Variants in DCK observed in about 807,000 individuals in gnomAD.
The protein encoded by DCK is deoxyadenosine kinase.
DCK carries 23 observed loss-of-function variants against 38.3 expected under a neutral mutation model. The observed-to-expected ratio is 0.60, with a 90% CI of 0.43 to 0.85. The LOEUF is 0.85. DCK is among the 40% of genes least tolerant of loss of function. The pLI, the probability that DCK is intolerant of heterozygous loss-of-function variation, is 0.00. For synonymous variants in DCK, 108 were observed against 100.6 expected (o/e 1.07, Z -0.44); for missense variants, 259 against 304.4 (o/e 0.85, Z 1.11).
chr4:70,993,792 G>A lies in DCK; in HGVS notation c.-44G>A, dbSNP rs1188881739. On this transcript the variant is annotated 5_prime_UTR_variant, in exon 1 of 7. Coordinates refer to ENST00000286648, the MANE Select transcript of DCK (RefSeq NM_000788.3). ...TGCGCGCACCCGTGGCCGCCTCCCA[G>A]CCCTCTTTGCCGGACGAGCTCTGGG... 2 of 1,452,532 alleles carry A rather than the reference G, an allele frequency of 1.4e-6. No individual in the cohort carries two copies. Among genetic ancestry groups the A allele is most frequent in the Admixed American group, 1.8e-5 (1 of 56,720 alleles). The allele number at this position is 1,452,532 out of a possible 1,614,324, so 90.0% of individuals were successfully genotyped here.
intron 1 of DCK, among the ~76,000 whole-genome samples, chr4:70,997,503 C>G (rs539383393): frequency 6.6e-6 from 1 of 152,210 alleles, no homozygotes; most frequent in African/African-American, 2.4e-5. Context: ...TGTTTTTTCT[C>G]TGTGTGTAAT....
chr4:71,025,682 C>T (rs995792461), intron 4 of DCK, 134 bp from the exon 5 acceptor site: 50 of 1,184,278 alleles, frequency 4.2e-5, no homozygotes, highest in Non-Finnish European at 5.1e-5. Flanking sequence ...TGAATTATTT[C>T]AGCTTTTAAG....
intron 2 of DCK, among the ~76,000 whole-genome samples, chr4:71,018,262 G>A (rs922312462): frequency 2.6e-5 from 4 of 151,600 alleles, no homozygotes; most frequent in Admixed American, 6.6e-5. Context: ...GAGTAGCTGA[G>A]ACTACAGGCG....
intron 2 of DCK, among the ~76,000 whole-genome samples, chr4:71,011,505 C>T (rs575854383): frequency 9.2e-5 from 14 of 152,154 alleles, no homozygotes; most frequent in South Asian, 8.3e-4. Context: ...TACAGGCCCA[C>T]ACCAACATGC....
rs187119010 is a variant in DCK at position 71,014,405 on chromosome 4, T to C, written c.208-7962T>C. ...GATATCCAGGAATTGAGCTCAGCTC[T>C]GTACCAAGCGGACCTAAAAGACATC... On this transcript the variant is annotated intron_variant, in intron 2 of 6. Coordinates refer to ENST00000286648, the MANE Select transcript of DCK (RefSeq NM_000788.3). 2.0e-3 allele frequency among the ~76,000 whole-genome samples: 304 copies of C among 152,360 alleles called. 3 individuals are homozygous for C. The highest frequency in any genetic ancestry group is 7.0e-3 in the African/African-American group (293 of 41,578).
intron 2 of DCK, among the ~76,000 whole-genome samples, chr4:71,009,257 C>T (rs537752507): frequency 2.6e-5 from 4 of 152,348 alleles, no homozygotes; most frequent in African/African-American, 9.6e-5. Flanking sequence ...TAAAAGTCAT[C>T]ACCCTAGTGA....
At chr4:71,028,716 C>A in intron 6 of DCK, 1 of 417,394 alleles carries the variant, frequency 2.4e-6, no homozygotes. Flanking sequence ...CCTCAGCCTC[C>A]TAAGTAGGTG....
chr4:71,025,865 T>C lies in DCK; in HGVS notation c.599T>C (p.Ile200Thr), dbSNP rs763685843. 1.9e-6 allele frequency: 3 copies of C among 1,611,600 alleles called. No individual in the cohort carries two copies. The highest frequency in any genetic ancestry group is 2.2e-5 in the South Asian group (2 of 90,444). Residue 200 changes from isoleucine (I) to threonine (T), a missense_variant, in exon 5 of 7, where the codon ATT becomes ACT. Coordinates refer to ENST00000286648, the MANE Select transcript of DCK (RefSeq NM_000788.3). ...CGGGGAAGAAATGAAGAGCAAGGCA[T>C]TCCTCTTGAATATTTAGAGAAGCTT... ...YLRGRNEEQGIPLEYLEKLHY... is the reference protein window; with the variant it reads ...YLRGRNEEQGTPLEYLEKLHY...
intron 6 of DCK, chr4:71,028,557 C>T (rs1236321765): frequency 5.0e-6 from 2 of 398,958 alleles, no homozygotes; most frequent in South Asian, 3.8e-5. Flanking sequence ...CCTAAAATGA[C>T]CTTTTAGGTC....
intron 2 of DCK, among the ~76,000 whole-genome samples, chr4:71,012,414 A>G (rs1463684874): frequency 6.6e-6 from 1 of 152,268 alleles, no homozygotes; most frequent in African/African-American, 2.4e-5. Context: ...CTTTGAAGAG[A>G]GTAGTGGTTC....
At chr4:71,008,467 GT>G (rs1325807995) in intron 2 of DCK, among the ~76,000 whole-genome samples, 1 of 152,184 alleles carries the variant, frequency 6.6e-6, no homozygotes, top group East Asian at 1.9e-4. Flanking sequence ...TGAGCCATCT[GT>G]CTTCTCTCAC....
chr4:71,021,320 C>T (rs1740420335), intron 2 of DCK, among the ~76,000 whole-genome samples: 1 of 152,028 alleles, frequency 6.6e-6, no homozygotes. Flanking sequence ...CATGATCCAC[C>T]CGCCTCGGCC....
intron 1 of DCK, among the ~76,000 whole-genome samples, chr4:70,996,077 A>G (rs1739653753): frequency 6.6e-6 from 1 of 152,048 alleles, no homozygotes. Context: ...GGCACAGTGG[A>G]TCACGCCTGT....
At chr4:71,014,736 C>T (rs571901509) in intron 2 of DCK, among the ~76,000 whole-genome samples, 1 of 152,126 alleles carries the variant, frequency 6.6e-6, no homozygotes, top group Non-Finnish European at 1.5e-5. Context: ...AACAAAGACA[C>T]AACATACCAG....
intron 4 of DCK, among the ~76,000 whole-genome samples, chr4:71,024,837 A>G (rs1463427636): frequency 6.6e-6 from 1 of 152,244 alleles, no homozygotes; most frequent in African/African-American, 2.4e-5. Context: ...TTTAGCAAAT[A>G]TAATAATTTT....
At position 70,994,017 on chromosome 4, in the gene DCK, G is replaced by A. The variant is rs564125219; in HGVS notation, c.91+91G>A. On this transcript the variant is annotated intron_variant, in intron 1 of 6. Transcript: ENST00000286648. ...TCGCCGCATCTCTCTGCAGCAACTC[G>A]GTGAGGGCTTTCCCTCCAGCCTGGC... is the stretch of plus-strand genomic sequence containing the variant. 7.1e-5 allele frequency: 66 copies of A among 932,718 alleles called. 1 individual carries two copies. In the East Asian group the frequency reaches 1.7e-3, roughly 24 times the overall value. The allele number at this position is 932,718 out of a possible 1,614,324, so 57.8% of individuals were successfully genotyped here. A position where few individuals can be genotyped will look rare whatever the true frequency, so the allele number is the denominator to read the frequency against.
At position 71,001,256 on chromosome 4, in the gene DCK, G is replaced by C. The variant is rs143067496; in HGVS notation, c.207+3074G>C. 3.5e-3 allele frequency among the ~76,000 whole-genome samples: 535 copies of C among 152,206 alleles called. 5 individuals carry two copies. Among genetic ancestry groups the C allele is most frequent in the African/African-American group, 0.01 (418 of 41,526 alleles). On this transcript the variant is annotated intron_variant, in intron 2 of 6. Coordinates refer to ENST00000286648, the MANE Select transcript of DCK (RefSeq NM_000788.3). ...CTATTGAGATAATCATGCGGTTTTT[G>C]TCATTGGTTCTGTTTATGTGATAGA...
intron 2 of DCK, among the ~76,000 whole-genome samples, chr4:71,021,872 C>T (rs935974414): frequency 1.3e-5 from 2 of 152,096 alleles, no homozygotes; most frequent in Admixed American, 6.5e-5. Flanking sequence ...CATGGTGGCA[C>T]GCGCCTGTAG....
chr4:71,007,915 C>T (rs746547240), intron 2 of DCK, among the ~76,000 whole-genome samples: 5 of 152,048 alleles, frequency 3.3e-5, no homozygotes, highest in African/African-American at 7.2e-5. Flanking sequence ...TTTATAGAGA[C>T]GGGGTTTTGC....
Sources: gnomAD v4.1 joint callset for allele counts (sites outside exome capture counted in the v4.1 genomes callset) on GRCh38, gnomAD v4.1.1 for gene constraint, MANE v1.5 for transcripts, NCBI Gene and HGNC (gene_info 2026-07-23, HGNC 2026-07-21) for gene names.